DYNC2I2: variants seen among roughly 807,000 people sequenced by gnomAD.
The protein encoded by DYNC2I2 is cytoplasmic dynein 2 intermediate chain 2.
In DYNC2I2, 39 loss-of-function variants were observed where a neutral mutation model predicts 52.0. The ratio of observed to expected loss-of-function variants is 0.75; its 90% CI spans 0.58 to 0.98. The LOEUF (loss-of-function observed/expected upper bound fraction) is 0.98. Among genes scored for constraint, DYNC2I2 ranks in the 50% least tolerant of loss-of-function variants. The pLI, the probability that DYNC2I2 is intolerant of heterozygous loss-of-function variation, is 0.00. For synonymous variants in DYNC2I2, 359 were observed against 321.1 expected, an observed-to-expected ratio of 1.12 and a Z score of -1.26; for missense variants, 743 against 728.4, an observed-to-expected ratio of 1.02 and a Z score of -0.23.
the DYNC2I2 span, among the ~76,000 whole-genome samples, chr9:128,670,193 C>G: frequency 1.3e-5 from 2 of 152,154 alleles, no homozygotes; most frequent in Non-Finnish European, 2.9e-5. Flanking sequence ...GTAACCCCAG[C>G]ACTTTGGGAG....
At chr9:128,636,021 C>G (rs1242106450) in intron 4 of DYNC2I2, 1 of 706,314 alleles carries the variant, frequency 1.4e-6, no homozygotes, top group African/African-American at 1.8e-5. Flanking sequence ...CCACTGACGG[C>G]TTCCCAAGGG....
chr9:128,656,750 C>T lies in DYNC2I2; in HGVS notation c.-24G>A. ...ATGGAGACGGTTCCGCCCTCTCGTGCGGACGCACTCAGGCGCGACCTCCGC... is the reference window on the plus strand; with the variant it reads ...ATGGAGACGGTTCCGCCCTCTCGTGTGGACGCACTCAGGCGCGACCTCCGC... On this transcript the variant is annotated 5_prime_UTR_variant, in exon 1 of 9. Transcript: ENST00000372715. The T allele has an allele frequency of 7.4e-7, 1 of 1,343,808 alleles. No individual in the cohort carries two copies. Among genetic ancestry groups the T allele is most frequent in the Non-Finnish European group, 9.5e-7 (1 of 1,047,270 alleles). 83.2% of individuals were successfully genotyped at this position (1,343,808 alleles called of 1,614,324 possible).
At chr9:128,674,540 G>C in the DYNC2I2 span, among the ~76,000 whole-genome samples, 2 of 151,934 alleles carry the variant, frequency 1.3e-5, no homozygotes, top group East Asian at 4.0e-4. Context: ...TAAGGAGTTC[G>C]AGACCAGCCT....
intron 3 of DYNC2I2, among the ~76,000 whole-genome samples, chr9:128,636,716 G>A (rs1860422484): frequency 6.6e-6 from 1 of 152,160 alleles, no homozygotes; most frequent in Non-Finnish European, 1.5e-5. Flanking sequence ...CCTCCAGGCA[G>A]GGGGGAGGGT....
chr9:128,641,976 T>TAC (rs142269423), intron 1 of DYNC2I2, among the ~76,000 whole-genome samples: 25,840 of 146,934 alleles, frequency 0.18, 2,396 homozygotes, highest in East Asian at 0.26. Context: ...TTTATATACA[T>TAC]ACACACACAC....
At chr9:128,677,127 C>T in the DYNC2I2 span, among the ~76,000 whole-genome samples, 5 of 151,634 alleles carry the variant, frequency 3.3e-5, no homozygotes, top group Non-Finnish European at 5.9e-5. Context: ...GGTTTACAGG[C>T]GTGAGCCACC....
chr9:128,676,080 T>A, the DYNC2I2 span, among the ~76,000 whole-genome samples: 2 of 152,042 alleles, frequency 1.3e-5, no homozygotes, highest in Non-Finnish European at 2.9e-5. Context: ...GGAGGGAGGA[T>A]CACTTAGAGC....
the DYNC2I2 span, among the ~76,000 whole-genome samples, chr9:128,665,209 C>T: frequency 1.3e-5 from 2 of 151,754 alleles, no homozygotes; most frequent in East Asian, 2.0e-4. Context: ...CCCGCCACCA[C>T]GACCAGCTAA....
chr9:128,637,016 CAGACA>C lies in DYNC2I2; in HGVS notation c.442_446del (p.Cys148ValfsTer43). ...GGGCTGGCGGGTAGCCCAGGGTATACAGACAAGACACCTGCGGAGACGTCCCCAAC... is the reference window on the plus strand; with the variant it reads ...GGGCTGGCGGGTAGCCCAGGGTATACAGACACCTGCGGAGACGTCCCCAAC... On this transcript the variant is annotated frameshift_variant, in exon 3 of 9. Transcript: ENST00000372715. LOFTEE classifies it high-confidence loss of function. 6.2e-7 allele frequency: 1 copy of C among 1,613,120 alleles called. No homozygotes were observed. The highest frequency in any genetic ancestry group is 8.5e-7 in the Non-Finnish European group (1 of 1,179,850).
the DYNC2I2 span, among the ~76,000 whole-genome samples, chr9:128,670,154 A>C: frequency 2.0e-5 from 3 of 152,148 alleles, no homozygotes; most frequent in Non-Finnish European, 4.4e-5. Flanking sequence ...GAAAAAAAAA[A>C]GGCTGGACAC....
At position 128,633,668 on chromosome 9, in the gene DYNC2I2, GCTTTT is replaced by G. The variant is rs1860214211; in HGVS notation, c.*71_*75del. 2 of 1,494,660 alleles carry G rather than the reference GCTTTT, an allele frequency of 1.3e-6. No homozygotes were observed. The highest frequency in any genetic ancestry group is 1.8e-6 in the Non-Finnish European group (2 of 1,101,010). 92.6% of individuals were successfully genotyped at this position (1,494,660 alleles called of 1,614,324 possible). A position where few individuals can be genotyped will look rare whatever the true frequency, so the allele number is the denominator to read the frequency against. On this transcript the variant is annotated 3_prime_UTR_variant, in exon 9 of 9. Coordinates refer to ENST00000372715, the MANE Select transcript of DYNC2I2 (RefSeq NM_052844.4). ...AAATGATGACTTCCCCCAAAGCTTT[GCTTTT>G]CTTCATTTGGCTTGCGTCAGAAACA...
upstream of DYNC2I2, among the ~76,000 whole-genome samples, chr9:128,658,905 G>T (rs986855872): frequency 3.3e-5 from 5 of 151,252 alleles, no homozygotes; most frequent in African/African-American, 1.2e-4. Flanking sequence ...TTGTGTTTTT[G>T]TAGAGATGGG....
intron 7 of DYNC2I2, 139 bp downstream of exon 7, chr9:128,634,550 C>T: frequency 7.8e-7 from 1 of 1,275,340 alleles, no homozygotes; most frequent in Non-Finnish European, 1.1e-6. Context: ...CCTGGGCCAA[C>T]CACCAAAGAC....
At chr9:128,638,949 C>T (rs1302089773) in intron 2 of DYNC2I2, among the ~76,000 whole-genome samples, 1 of 152,172 alleles carries the variant, frequency 6.6e-6, no homozygotes, top group Non-Finnish European at 1.5e-5. Flanking sequence ...TGGAAGGAAG[C>T]TTTTACAGGC....
upstream of DYNC2I2, among the ~76,000 whole-genome samples, chr9:128,659,781 G>A (rs1419880856): frequency 6.6e-6 from 1 of 151,756 alleles, no homozygotes; most frequent in Non-Finnish European, 1.5e-5. Context: ...GGTGGCACAT[G>A]CCTATAATTC....
chr9:128,648,794 C>T (rs926807026), intron 1 of DYNC2I2, among the ~76,000 whole-genome samples: 1 of 79,910 alleles, frequency 1.3e-5, no homozygotes, highest in Non-Finnish European at 3.3e-5. Flanking sequence ...AGGGAGACTC[C>T]GTTTCAAAAA....
chr9:128,668,527 A>C, the DYNC2I2 span, among the ~76,000 whole-genome samples: 1 of 151,358 alleles, frequency 6.6e-6, no homozygotes, highest in South Asian at 2.1e-4. Flanking sequence ...ACCATTCTAA[A>C]AAAAAAAAAA....
chr9:128,649,986 C>A (rs1860695377), intron 1 of DYNC2I2, among the ~76,000 whole-genome samples: 1 of 56,086 alleles, frequency 1.8e-5, no homozygotes, highest in African/African-American at 3.6e-5. Flanking sequence ...GAGCGAGACT[C>A]TAAAATATAA....
intron 1 of DYNC2I2, among the ~76,000 whole-genome samples, chr9:128,646,236 GAC>G (rs1461081241): frequency 4.6e-5 from 7 of 152,186 alleles, no homozygotes; most frequent in African/African-American, 1.7e-4. Context: ...GTTGTTTTGA[GAC>G]ACAGTCTCAC....
Sources: allele counts gnomAD v4.1 joint callset (sites outside exome capture counted in the v4.1 genomes callset), GRCh38; gene constraint gnomAD v4.1.1; transcripts MANE v1.5; gene names NCBI Gene and HGNC (gene_info 2026-07-23, HGNC 2026-07-21).